Variants in MEIS2 observed in about 807,000 individuals in gnomAD.
MEIS2 encodes homeobox protein Meis2.
In MEIS2, 9 loss-of-function variants were observed where a neutral mutation model predicts 58.6. The observed-to-expected ratio is 0.15, with a 90% CI of 0.09 to 0.27. The LOEUF is 0.27. Among genes scored for constraint, MEIS2 ranks in the 10% least tolerant of loss-of-function variants. The pLI is 1.00. For synonymous variants in MEIS2, 221 were observed against 228.4 expected (o/e 0.97, Z 0.29); for missense variants, 427 against 635.0 (o/e 0.67, Z 3.52).
In MEIS2 at chr15:37,099,125, G is replaced by A. The variant is rs1458220714; in HGVS notation, c.12+330C>T. 5 of 1,081,088 alleles carry A rather than the reference G, an allele frequency of 4.6e-6. No homozygotes were observed. In the African/African-American group the frequency reaches 6.6e-5, roughly 14 times the overall value. 67.0% of individuals were successfully genotyped at this position (1,081,088 alleles called of 1,614,324 possible). A position where few individuals can be genotyped will look rare whatever the true frequency, so the allele number is the denominator to read the frequency against. ...GCAGGAGAACCGGGGGAATCGCGCT[G>A]CTGGGGTAAAAGCTGGAGCGAGGCG... On this transcript the variant is annotated intron_variant, in intron 1 of 11. Coordinates refer to ENST00000561208, the MANE Select transcript of MEIS2 (RefSeq NM_170675.5).
At chr15:37,064,013 T>A (rs1038129473) in intron 7 of MEIS2, among the ~76,000 whole-genome samples, 1 of 152,156 alleles carries the variant, frequency 6.6e-6, no homozygotes, top group African/African-American at 2.4e-5. Context: ...TATGAAAAAC[T>A]TGATCAGAAG....
chr15:36,961,490 T>TA (rs1325164520), intron 8 of MEIS2, among the ~76,000 whole-genome samples: 1 of 152,064 alleles, frequency 6.6e-6, no homozygotes, highest in African/African-American at 2.4e-5. Flanking sequence ...TAATGCTGAG[T>TA]AAATACAAAT....
chr15:37,063,109 T>G (rs1889445349), intron 7 of MEIS2, among the ~76,000 whole-genome samples: 1 of 152,206 alleles, frequency 6.6e-6, no homozygotes, highest in Non-Finnish European at 1.5e-5. Context: ...AGGCATATGA[T>G]AGAAAATACC....
chr15:36,906,497 T>A (rs974242589), intron 9 of MEIS2, among the ~76,000 whole-genome samples: 3 of 152,098 alleles, frequency 2.0e-5, no homozygotes, highest in Non-Finnish European at 4.4e-5. Context: ...TGAGAATTTA[T>A]GTTTAGTATG....
At chr15:37,087,217 G>C (rs907182093) in intron 6 of MEIS2, among the ~76,000 whole-genome samples, 2 of 152,144 alleles carry the variant, frequency 1.3e-5, no homozygotes, top group Non-Finnish European at 2.9e-5. Context: ...AGACACCCGA[G>C]GGCAAGGAGT....
At chr15:36,999,229 T>A (rs2060637457) in intron 8 of MEIS2, among the ~76,000 whole-genome samples, 1 of 152,194 alleles carries the variant, frequency 6.6e-6, no homozygotes, top group African/African-American at 2.4e-5. Flanking sequence ...ATTTATTTAA[T>A]ATATAGAGTG....
At chr15:37,078,577 G>GA (rs1422264657) in intron 7 of MEIS2, among the ~76,000 whole-genome samples, 5 of 60,696 alleles carry the variant, frequency 8.2e-5, no homozygotes, top group South Asian at 4.8e-4. Context: ...TTTTTGGAAG[G>GA]AAAAAAGGAT....
At chr15:36,918,214 C>T (rs940181033) in intron 9 of MEIS2, among the ~76,000 whole-genome samples, 5 of 152,204 alleles carry the variant, frequency 3.3e-5, no homozygotes, top group African/African-American at 1.2e-4. Context: ...GCCCTCTATC[C>T]ATTAAGTTTT....
chr15:36,928,934 A>C (rs1448004019), intron 9 of MEIS2, among the ~76,000 whole-genome samples: 1 of 152,210 alleles, frequency 6.6e-6, no homozygotes, highest in Non-Finnish European at 1.5e-5. Flanking sequence ...CAAAAAAAGA[A>C]AGAAGGGAAA....
intron 8 of MEIS2, among the ~76,000 whole-genome samples, chr15:36,962,914 C>T (rs2059234948): frequency 1.3e-5 from 2 of 152,094 alleles, no homozygotes; most frequent in African/African-American, 4.8e-5. Context: ...ATGTATGTAC[C>T]ATGAAAATAT....
At chr15:37,047,579 A>G (rs747217316) in intron 7 of MEIS2, among the ~76,000 whole-genome samples, 2 of 152,326 alleles carry the variant, frequency 1.3e-5, no homozygotes, top group Non-Finnish European at 2.9e-5. Flanking sequence ...GAGGCTGGCC[A>G]TTGAAATAAA....
chr15:36,952,047 T>C (rs1351994996), intron 8 of MEIS2, among the ~76,000 whole-genome samples: 3 of 152,144 alleles, frequency 2.0e-5, no homozygotes, highest in African/African-American at 7.2e-5. Context: ...TGCTGCACTC[T>C]GCCACCATGA....
intron 8 of MEIS2, among the ~76,000 whole-genome samples, chr15:37,017,306 G>A (rs987894657): frequency 5.3e-5 from 8 of 152,082 alleles, no homozygotes; most frequent in Non-Finnish European, 7.4e-5. Context: ...AAGAATAATC[G>A]TCTACACAGA....
chr15:37,020,461 A>G (rs775240231), intron 8 of MEIS2, among the ~76,000 whole-genome samples: 1 of 152,128 alleles, frequency 6.6e-6, no homozygotes, highest in African/African-American at 2.4e-5. Flanking sequence ...ATAAGAACTC[A>G]ATTTGTGGCT....
chr15:36,977,892 G>A (rs1474423442), intron 8 of MEIS2, among the ~76,000 whole-genome samples: 3 of 152,142 alleles, frequency 2.0e-5, no homozygotes, highest in Non-Finnish European at 4.4e-5. Flanking sequence ...CAAACAACCT[G>A]AATTCCACTC....
intron 1 of MEIS2, among the ~76,000 whole-genome samples, chr15:37,098,747 G>T (rs1213753224): frequency 6.6e-6 from 1 of 151,952 alleles, no homozygotes; most frequent in East Asian, 1.9e-4. Flanking sequence ...CTCCTCTGAG[G>T]ATCCAATAAA....
At chr15:37,067,486 C>CA (rs1890108401) in intron 7 of MEIS2, among the ~76,000 whole-genome samples, 1 of 151,906 alleles carries the variant, frequency 6.6e-6, no homozygotes, top group African/African-American at 2.4e-5. Context: ...AAAGCTGTCC[C>CA]ACGTCATACC....
chr15:37,017,659 A>G (rs1209753104), intron 8 of MEIS2, among the ~76,000 whole-genome samples: 1 of 152,162 alleles, frequency 6.6e-6, no homozygotes, highest in Non-Finnish European at 1.5e-5. Context: ...AAGCAGACTA[A>G]AAAAAGAAAA....
At chr15:36,960,596 T>C (rs939058784) in intron 8 of MEIS2, among the ~76,000 whole-genome samples, 22 of 152,216 alleles carry the variant, frequency 1.4e-4, no homozygotes, top group Admixed American at 1.2e-3. Context: ...ATTAGGAACT[T>C]GGCTGAAAGG....
Sources: gnomAD v4.1 joint callset for allele counts (sites outside exome capture counted in the v4.1 genomes callset) on GRCh38, gnomAD v4.1.1 for gene constraint, MANE v1.5 for transcripts, NCBI Gene and HGNC (gene_info 2026-07-23, HGNC 2026-07-21) for gene names.